DPP10: variants seen among roughly 807,000 people sequenced by gnomAD.
DPP10 encodes the protein dipeptidyl peptidase like 10, also known as inactive dipeptidyl peptidase 10.
A neutral mutation model predicts 120.9 loss-of-function variants in DPP10; 33 were observed. The observed-to-expected ratio is 0.27, with a 90% CI of 0.21 to 0.37. The LOEUF is 0.37. Among genes scored for constraint, DPP10 ranks in the 10% least tolerant of loss-of-function variants. DPP10 has a pLI of 1.00. For synonymous variants in DPP10, 337 were observed against 326.1 expected (o/e 1.03, Z -0.36); for missense variants, 816 against 942.8 (o/e 0.87, Z 1.76).
rs528088074 is a variant in DPP10 at position 115,752,102 on chromosome 2, C to T, written c.951-1072C>T. ...CATAAGTCACTGCACCTGGCCAAAA[C>T]TAGTTTAATTAGTTTTAATACAGTA... On this transcript the variant is annotated intron_variant, in intron 10 of 25. Coordinates refer to ENST00000410059, the MANE Select transcript of DPP10 (RefSeq NM_020868.6). Among the ~76,000 whole-genome samples the T allele has an allele frequency of 3.3e-5, 5 of 152,214 alleles. No homozygotes were observed. In the East Asian group the frequency reaches 9.7e-4, roughly 29 times the overall value.
At chr2:115,617,289 T>TATATATACATAC (rs67359999) in intron 5 of DPP10, among the ~76,000 whole-genome samples, 1 of 136,530 alleles carries the variant, frequency 7.3e-6, no homozygotes, top group South Asian at 2.4e-4. Context: ...TATATATATA[T>TATATATACATAC]ACACACATAG....
chr2:115,572,142 T>TA (rs955829839), intron 5 of DPP10, among the ~76,000 whole-genome samples: 19 of 151,538 alleles, frequency 1.3e-4, no homozygotes, highest in African/African-American at 3.4e-4. Context: ...TTATCAAGAT[T>TA]AAAAAAAACT....
chr2:115,064,095 A>G (rs1296542235), intron 1 of DPP10, among the ~76,000 whole-genome samples: 1 of 152,056 alleles, frequency 6.6e-6, no homozygotes, highest in Non-Finnish European at 1.5e-5. Context: ...TTCACACAAC[A>G]TATAGCTAGA....
intron 1 of DPP10, among the ~76,000 whole-genome samples, chr2:114,887,128 A>G (rs1692140167): frequency 1.3e-5 from 2 of 152,072 alleles, no homozygotes; most frequent in Non-Finnish European, 2.9e-5. Context: ...GCTCTCCCTT[A>G]TTTTGCTAGA....
intron 1 of DPP10, among the ~76,000 whole-genome samples, chr2:114,814,872 A>C (rs1341193003): frequency 1.3e-5 from 2 of 152,174 alleles, no homozygotes; most frequent in African/African-American, 4.8e-5. Context: ...TGTCCAGCTG[A>C]AGATTAAGGT....
chr2:115,653,976 A>C (rs754301078), intron 5 of DPP10, among the ~76,000 whole-genome samples: 5 of 151,948 alleles, frequency 3.3e-5, no homozygotes, highest in Non-Finnish European at 7.4e-5. Context: ...ACTCAGTTCA[A>C]ATACCAAACT....
Position 115,064,483 on chromosome 2 carries a change from G to C in DPP10, c.61-244756G>C, listed in dbSNP as rs117750977. On this transcript the variant is annotated intron_variant, in intron 1 of 25. Transcript: ENST00000410059. ...GAACCGTGTGCCCAAAGGAGACAGA[G>C]AGGATAATTTATCTACACACATCTG... 682 of 275,220 alleles carry C rather than the reference G, an allele frequency of 2.5e-3. 15 individuals are homozygous for C. The East Asian group carries it at 0.048, about 19-fold the overall frequency. The allele number at this position is 275,220 out of a possible 1,614,324, so 17.0% of individuals were successfully genotyped here. A position where few individuals can be genotyped will look rare whatever the true frequency, so the allele number is the denominator to read the frequency against.
chr2:115,781,199 A>G (rs971212720), intron 16 of DPP10, among the ~76,000 whole-genome samples: 1 of 151,930 alleles, frequency 6.6e-6, no homozygotes, highest in Non-Finnish European at 1.5e-5. Flanking sequence ...GAATAAGTCA[A>G]TAAACATGCA....
At chr2:114,834,313 TAAGCCATGTCTACACACCTATGTATATAA>T (rs1406453331) in intron 1 of DPP10, among the ~76,000 whole-genome samples, 7 of 151,176 alleles carry the variant, frequency 4.6e-5, no homozygotes, top group Non-Finnish European at 8.9e-5. Context: ...TATGTATATA[TAAGCCATGTCTACACACCTATGTATATAA>T]AAGACATGTC....
At chr2:115,065,248 TAG>T (rs1232461096) in intron 1 of DPP10, among the ~76,000 whole-genome samples, 9 of 152,220 alleles carry the variant, frequency 5.9e-5, no homozygotes, top group African/African-American at 2.2e-4. Context: ...AACCCACTCA[TAG>T]AGTTTTTTAA....
chr2:115,293,182 G>T (rs538894679), intron 1 of DPP10, among the ~76,000 whole-genome samples: 2 of 152,146 alleles, frequency 1.3e-5, no homozygotes, highest in African/African-American at 2.4e-5. Flanking sequence ...GCAGGATGCG[G>T]GTCAGTGCGG....
chr2:114,939,427 T>G (rs534984108), intron 1 of DPP10, among the ~76,000 whole-genome samples: 47 of 152,298 alleles, frequency 3.1e-4, no homozygotes, highest in South Asian at 2.3e-3. Context: ...TTTACTATCT[T>G]GTTTTATTGA....
chr2:115,376,687 G>A (rs2065825186), intron 3 of DPP10, among the ~76,000 whole-genome samples: 1 of 148,512 alleles, frequency 6.7e-6, no homozygotes, highest in Non-Finnish European at 1.5e-5. Flanking sequence ...ATCTCCCAAT[G>A]CTATCCATCC....
chr2:114,939,907 C>A (rs1341615983), intron 1 of DPP10, among the ~76,000 whole-genome samples: 2 of 151,938 alleles, frequency 1.3e-5, no homozygotes, highest in East Asian at 3.9e-4. Context: ...AAATATAATC[C>A]ATACCAAAAT....
At chr2:115,512,907 T>A (rs768381112) in intron 4 of DPP10, among the ~76,000 whole-genome samples, 4 of 152,146 alleles carry the variant, frequency 2.6e-5, no homozygotes, top group Admixed American at 2.0e-4. Context: ...TGCTTTAGAA[T>A]GTTGTTTGTC....
rs183296095 is a variant in DPP10, at chr2:115,591,089, T to C, written c.441+65117T>C. Among the ~76,000 whole-genome samples the C allele has an allele frequency of 7.9e-4, 120 of 152,348 alleles. 1 individual carries two copies. The highest frequency in any genetic ancestry group is 3.3e-4 in the Admixed American group (5 of 15,302). On this transcript the variant is annotated intron_variant, in intron 5 of 25. Transcript: ENST00000410059. ...TCAGATGGGTGGATTGTAAAAATTT[T>C]CTCCCATTCTGTAGGTTGCCTGTTC...
intron 1 of DPP10, among the ~76,000 whole-genome samples, chr2:115,123,811 A>G (rs1170254093): frequency 6.6e-6 from 1 of 152,120 alleles, no homozygotes; most frequent in African/African-American, 2.4e-5. Flanking sequence ...TGTTTTAAAT[A>G]TTAATGTGTT....
intron 3 of DPP10, among the ~76,000 whole-genome samples, chr2:115,391,103 A>G (rs1383975351): frequency 6.6e-6 from 1 of 152,202 alleles, no homozygotes; most frequent in African/African-American, 2.4e-5. Context: ...TTTAAGAACC[A>G]CATGAAGGTA....
At chr2:114,683,672 T>C (rs943248992) in intron 1 of DPP10, among the ~76,000 whole-genome samples, 1 of 151,484 alleles carries the variant, frequency 6.6e-6, no homozygotes, top group East Asian at 2.0e-4. Context: ...TGACAGTGAA[T>C]ATGAGAGAAG....
Sources: allele counts gnomAD v4.1 joint callset (sites outside exome capture counted in the v4.1 genomes callset), GRCh38; gene constraint gnomAD v4.1.1; transcripts MANE v1.5; gene names NCBI Gene and HGNC (gene_info 2026-07-23, HGNC 2026-07-21).